Variants in SEPTIN7 observed in about 807,000 individuals in gnomAD.
SEPTIN7 encodes the protein septin 7, also known as septin-7.
A neutral mutation model predicts 63.3 loss-of-function variants in SEPTIN7; 10 were observed. That is an observed-to-expected ratio of 0.16 (90% CI 0.10 to 0.27). The LOEUF is 0.27. Among genes scored for constraint, SEPTIN7 ranks in the 10% least tolerant of loss-of-function variants. The pLI, the probability that SEPTIN7 is intolerant of heterozygous loss-of-function variation, is 1.00. For synonymous variants in SEPTIN7, 131 were observed against 165.3 expected (o/e 0.79, Z 1.59); for missense variants, 310 against 521.0 (o/e 0.59, Z 3.94).
At chr7:35,816,331 T>G (rs572647620) in intron 1 of SEPTIN7, among the ~76,000 whole-genome samples, 29 of 152,352 alleles carry the variant, frequency 1.9e-4, no homozygotes, top group Middle Eastern at 3.4e-3. Context: ...GATCATATAA[T>G]GTGACTTTTT....
chr7:35,819,349 G>T (rs747192731), intron 1 of SEPTIN7, among the ~76,000 whole-genome samples: 3 of 152,104 alleles, frequency 2.0e-5, no homozygotes, highest in Admixed American at 6.5e-5. Context: ...AAATTGAGAC[G>T]TGTTTTGTGA....
At chr7:35,891,391 A>T (rs1473259764) in intron 11 of SEPTIN7, among the ~76,000 whole-genome samples, 1 of 152,184 alleles carries the variant, frequency 6.6e-6, no homozygotes, top group Non-Finnish European at 1.5e-5. Context: ...ACAAACCTAG[A>T]TGGTAGAGCC....
At chr7:35,805,182 A>T (rs1788253027) in intron 1 of SEPTIN7, among the ~76,000 whole-genome samples, 1 of 152,140 alleles carries the variant, frequency 6.6e-6, no homozygotes, top group South Asian at 2.1e-4. Context: ...ACGCCCGGCC[A>T]AGTGTTTGTG....
At chr7:35,803,266 C>T in intron 1 of SEPTIN7, 2 of 376,544 alleles carry the variant, frequency 5.3e-6, no homozygotes, top group Non-Finnish European at 7.3e-6. Context: ...CAGATTTGCA[C>T]ATTGTCCCGT....
chr7:35,843,565 TGAATA>T (rs1408918661), intron 3 of SEPTIN7, among the ~76,000 whole-genome samples: 4 of 152,166 alleles, frequency 2.6e-5, no homozygotes, highest in African/African-American at 9.7e-5. Context: ...AATTGGTATG[TGAATA>T]GAATAGTTTT....
At chr7:35,807,283 A>G (rs1216769529) in intron 1 of SEPTIN7, among the ~76,000 whole-genome samples, 1 of 148,508 alleles carries the variant, frequency 6.7e-6, no homozygotes, top group African/African-American at 2.5e-5. Context: ...TCCCCGGTTC[A>G]AGTGATTCTC....
At chr7:35,882,352 T>G (rs1197810977) in intron 7 of SEPTIN7, 132 bp from the exon 8 acceptor site, 2 of 583,486 alleles carry the variant, frequency 3.4e-6, no homozygotes, top group African/African-American at 1.9e-5. Context: ...ATTACAACTT[T>G]GCATCATTAA....
At chr7:35,829,655 G>A (rs1473867857) in intron 1 of SEPTIN7, among the ~76,000 whole-genome samples, 1 of 152,196 alleles carries the variant, frequency 6.6e-6, no homozygotes, top group Non-Finnish European at 1.5e-5. Flanking sequence ...CTTGCTCTCA[G>A]TAGCTTCCTT....
At chr7:35,873,565 G>T in intron 5 of SEPTIN7, 76 bp from the exon 6 acceptor site, 1 of 1,421,838 alleles carries the variant, frequency 7.0e-7, no homozygotes, top group Non-Finnish European at 9.4e-7. Context: ...TGAAAATACT[G>T]ATTATTGTCC....
chr7:35,882,732 T>G (rs1162000327), intron 8 of SEPTIN7, among the ~76,000 whole-genome samples, 156 bp downstream of exon 8: 1 of 152,086 alleles, frequency 6.6e-6, no homozygotes, highest in East Asian at 1.9e-4. Flanking sequence ...TAGTTAACTT[T>G]GAAGATTAGC....
At position 35,850,884 on chromosome 7, in the gene SEPTIN7, A is replaced by G. The variant is rs544511355; in HGVS notation, c.170-12668A>G. Reference sequence around the variant, plus strand: ...TCAGGTACTACTTTAGTCTCAGAAAATCTAGAGATTAATAAGAAATGTATA... The same window carrying G: ...TCAGGTACTACTTTAGTCTCAGAAAGTCTAGAGATTAATAAGAAATGTATA... On this transcript the variant is annotated intron_variant, in intron 3 of 13. Transcript: ENST00000350320. 2.0e-5 allele frequency among the ~76,000 whole-genome samples: 3 copies of G among 152,306 alleles called. No homozygotes were observed. In the East Asian group the frequency reaches 5.8e-4, roughly 29 times the overall value.
chr7:35,895,514 A>G (rs1200268659), intron 11 of SEPTIN7, among the ~76,000 whole-genome samples: 1 of 152,244 alleles, frequency 6.6e-6, no homozygotes, highest in East Asian at 1.9e-4. Flanking sequence ...GCAGGTTTAA[A>G]ACTTTCAAGA....
chr7:35,841,420 A>G lies in SEPTIN7; in HGVS notation c.169+8520A>G, dbSNP rs1170961606. On this transcript the variant is annotated intron_variant, in intron 3 of 13. Coordinates refer to ENST00000350320, the MANE Select transcript of SEPTIN7 (RefSeq NM_001788.6). The stretch of plus-strand genomic sequence containing the variant: ...TTGCTTCTCATACATATACTATCCT[A>G]ATATGGTCTTTGAAAATAATACAAG... 2.0e-5 allele frequency among the ~76,000 whole-genome samples: 3 copies of G among 152,230 alleles called. No homozygotes were observed. The East Asian group carries it at 5.8e-4, about 29-fold the overall frequency.
chr7:35,872,689 C>G lies in SEPTIN7; in HGVS notation c.300C>G (p.Ile100Met). Residue 100 changes from isoleucine (I) to methionine (M), a missense_variant, in exon 5 of 14, where the codon ATC (isoleucine) becomes ATG (methionine). This residue lies in a region of SEPTIN7 where 255 missense variants were observed against 490.5 expected (regional missense o/e 0.52). Coordinates refer to ENST00000350320, the MANE Select transcript of SEPTIN7 (RefSeq NM_001788.6). ...TVQVEQSKVL[I>M]KEGGVQLLLT... Reference sequence around the variant, plus strand: ...AGGTGGAACAATCCAAAGTTTTAATCAAAGAAGGTGGTGTTCAGTTGCTGC... The same window carrying G: ...AGGTGGAACAATCCAAAGTTTTAATGAAAGAAGGTGGTGTTCAGTTGCTGC... The G allele has an allele frequency of 6.2e-7, 1 of 1,612,252 alleles. No homozygotes were observed. Among genetic ancestry groups the G allele is most frequent in the Middle Eastern group, 1.7e-4 (1 of 6,042 alleles).
chr7:35,882,322 G>A (rs895019317), intron 7 of SEPTIN7, among the ~76,000 whole-genome samples, 162 bp from the exon 8 acceptor site: 2 of 150,382 alleles, frequency 1.3e-5, no homozygotes, highest in African/African-American at 2.4e-5. Flanking sequence ...AAAAAGACTA[G>A]CGTAGTACTT....
intron 3 of SEPTIN7, among the ~76,000 whole-genome samples, chr7:35,860,614 G>T (rs1785453088): frequency 6.6e-6 from 1 of 152,170 alleles, no homozygotes; most frequent in Admixed American, 6.5e-5. Context: ...AGTTTTGCCA[G>T]ATACAGAAGT....
chr7:35,880,477 C>T (rs1009327645), intron 7 of SEPTIN7, among the ~76,000 whole-genome samples: 11 of 151,640 alleles, frequency 7.3e-5, no homozygotes, highest in African/African-American at 1.7e-4. Context: ...TTTATTTTCC[C>T]GAAAGGCTGA....
chr7:35,867,315 T>G (rs1785865734), intron 4 of SEPTIN7, among the ~76,000 whole-genome samples: 1 of 152,178 alleles, frequency 6.6e-6, no homozygotes, highest in Admixed American at 6.5e-5. Context: ...CAGTTAACCG[T>G]TATTTTATAA....
intron 7 of SEPTIN7, among the ~76,000 whole-genome samples, chr7:35,882,261 G>A (rs770020498): frequency 6.0e-5 from 9 of 150,204 alleles, no homozygotes; most frequent in Admixed American, 4.0e-4. Context: ...TTAACACTTC[G>A]GAAGTAATTG....
Sources: gnomAD v4.1 joint callset for allele counts (sites outside exome capture counted in the v4.1 genomes callset) on GRCh38, gnomAD v4.1.1 for gene constraint, gnomAD v4.1.1 regional missense constraint, MANE v1.5 for transcripts, NCBI Gene and HGNC (gene_info 2026-07-23, HGNC 2026-07-21) for gene names.